RAD51B: variants seen among roughly 807,000 people sequenced by gnomAD.
RAD51B encodes RAD51 paralog B, also known as DNA repair protein RAD51 homolog 2.
RAD51B carries 38 observed loss-of-function variants against 42.2 expected under a neutral mutation model. The observed-to-expected ratio is 0.90, with a 90% CI of 0.70 to 1.18. The LOEUF (loss-of-function observed/expected upper bound fraction) is 1.18, where lower values mean the gene tolerates loss of function less well. RAD51B is among the 50% of genes most tolerant of loss of function. The pLI is 0.00. For synonymous variants in RAD51B, 154 were observed against 145.2 expected, an observed-to-expected ratio of 1.06 and a Z score of -0.43; for missense variants, 373 against 400.7, an observed-to-expected ratio of 0.93 and a Z score of 0.59.
At chr14:68,390,156 G>C (rs1032634879) in intron 8 of RAD51B, among the ~76,000 whole-genome samples, 1 of 152,172 alleles carries the variant, frequency 6.6e-6, no homozygotes, top group Non-Finnish European at 1.5e-5. Context: ...TGGAGTTGCT[G>C]ACTGTTCCTA....
At chr14:68,119,469 T>TC (rs1184674487) in intron 7 of RAD51B, among the ~76,000 whole-genome samples, 2 of 40,914 alleles carry the variant, frequency 4.9e-5, no homozygotes, top group Non-Finnish European at 4.5e-5. Context: ...CCCACCCCCC[T>TC]CCCCCCACCC....
At chr14:68,342,843 T>G (rs538731742) in intron 8 of RAD51B, among the ~76,000 whole-genome samples, 1 of 152,304 alleles carries the variant, frequency 6.6e-6, no homozygotes, top group East Asian at 1.9e-4. Context: ...CAGTTTTAGG[T>G]GAATACCAAT....
intron 8 of RAD51B, among the ~76,000 whole-genome samples, chr14:68,392,747 G>A (rs1344956990): frequency 6.6e-6 from 1 of 152,210 alleles, no homozygotes; most frequent in Non-Finnish European, 1.5e-5. Context: ...CTGAGATTCG[G>A]AGGTAAAGAA....
chr14:68,143,596 A>G (rs555340114), intron 7 of RAD51B, among the ~76,000 whole-genome samples: 1 of 152,266 alleles, frequency 6.6e-6, no homozygotes, highest in East Asian at 1.9e-4. Context: ...AGCTCCCCCC[A>G]TACCACACAC....
rs80130085 is a variant in RAD51B at position 67,903,939 on chromosome 14, G to T, written c.756+16735G>T. ...CCCTCAAGTAGGCCCCCGTATCTATGGTTTCCTTCTTTGTATTCATGAGGA... is the reference window on the plus strand; with the variant it reads ...CCCTCAAGTAGGCCCCCGTATCTATTGTTTCCTTCTTTGTATTCATGAGGA... On this transcript the variant is annotated intron_variant, in intron 7 of 10. Coordinates refer to ENST00000471583, the MANE Select transcript of RAD51B (RefSeq NM_133510.4). Among the ~76,000 whole-genome samples, 1,047 of 152,074 alleles carry T rather than the reference G, an allele frequency of 6.9e-3. 19 individuals carry two copies. The highest frequency in any genetic ancestry group is 0.022 in the African/African-American group (923 of 41,438).
chr14:67,827,644 G>T (rs775463522), intron 3 of RAD51B, among the ~76,000 whole-genome samples: 8 of 151,998 alleles, frequency 5.3e-5, no homozygotes, highest in Non-Finnish European at 1.2e-4. Flanking sequence ...CCACAACCTC[G>T]CAACAGGCCC....
intron 8 of RAD51B, among the ~76,000 whole-genome samples, chr14:68,345,544 C>T (rs1255534886): frequency 6.6e-6 from 1 of 152,174 alleles, no homozygotes; most frequent in Non-Finnish European, 1.5e-5. Flanking sequence ...TCACCTGCCA[C>T]CATGACTATA....
intron 7 of RAD51B, among the ~76,000 whole-genome samples, chr14:67,999,600 T>G (rs528617598): frequency 3.3e-5 from 5 of 152,334 alleles, no homozygotes; most frequent in East Asian, 1.9e-4. Context: ...TTATGCAACC[T>G]CTCACATCTT....
intron 7 of RAD51B, among the ~76,000 whole-genome samples, chr14:68,264,156 C>G (rs778962476): frequency 6.6e-6 from 1 of 152,174 alleles, no homozygotes; most frequent in Non-Finnish European, 1.5e-5. Flanking sequence ...TTGCTTAAAA[C>G]AGGGGTGAGG....
chr14:68,100,490 AT>A (rs974725126), intron 7 of RAD51B, among the ~76,000 whole-genome samples: 1 of 151,882 alleles, frequency 6.6e-6, no homozygotes, highest in Non-Finnish European at 1.5e-5. Flanking sequence ...AAAGTCTGTA[AT>A]TTTTTTCAGT....
chr14:68,486,630 A>T (rs965805021), intron 10 of RAD51B, among the ~76,000 whole-genome samples: 2 of 152,216 alleles, frequency 1.3e-5, no homozygotes, highest in African/African-American at 4.8e-5. Flanking sequence ...CTTAAAATGA[A>T]GCAAATTTTG....
intron 10 of RAD51B, among the ~76,000 whole-genome samples, chr14:68,507,756 C>G (rs114056501): frequency 1.3e-5 from 2 of 152,196 alleles, no homozygotes; most frequent in African/African-American, 4.8e-5. Flanking sequence ...TAGCTCAGGA[C>G]CTTGTCCAAT....
Position 68,314,549 on chromosome 14 carries a change from C to T in RAD51B, c.853+22569C>T, listed in dbSNP as rs185500242. Among the ~76,000 whole-genome samples, 371 of 152,288 alleles carry T rather than the reference C, an allele frequency of 2.4e-3. 6 individuals are homozygous for T. Among genetic ancestry groups the T allele is most frequent in the African/African-American group, 8.3e-3 (346 of 41,530 alleles). ...ACATTGGAAGCCCAAAGCTTCCACA[C>T]AGTTGAGTCTACAGAGCAGAGTAAT... On this transcript the variant is annotated intron_variant, in intron 8 of 10. Coordinates refer to ENST00000471583, the MANE Select transcript of RAD51B (RefSeq NM_133510.4).
chr14:68,356,547 TAA>T lies in RAD51B; in HGVS notation c.854-54867_854-54866del, dbSNP rs35711316. ...ACCTAAATTTAAAATACTTAATTGC[TAA>T]AAAAAAAAATGCTAGGGATCATCGG... On this transcript the variant is annotated intron_variant, in intron 8 of 10. Coordinates refer to ENST00000471583, the MANE Select transcript of RAD51B (RefSeq NM_133510.4). Among the ~76,000 whole-genome samples, 26 of 150,830 alleles carry T rather than the reference TAA, an allele frequency of 1.7e-4. No individual in the cohort carries two copies. The East Asian group carries it at 1.9e-3, about 11-fold the overall frequency.
chr14:68,385,165 G>A (rs2139997757), intron 8 of RAD51B, among the ~76,000 whole-genome samples: 1 of 152,188 alleles, frequency 6.6e-6, no homozygotes, highest in East Asian at 1.9e-4. Context: ...CAGTGAGACT[G>A]CTCAGCTCGA....
intron 11 of RAD51B, among the ~76,000 whole-genome samples, chr14:68,655,029 A>T (rs534976898): frequency 2.0e-5 from 3 of 152,134 alleles, no homozygotes; most frequent in Non-Finnish European, 4.4e-5. Context: ...TGGCCCCACC[A>T]GGCAGTCATG....
At chr14:67,980,173 G>T (rs2075065071) in intron 7 of RAD51B, among the ~76,000 whole-genome samples, 1 of 152,114 alleles carries the variant, frequency 6.6e-6, no homozygotes, top group Admixed American at 6.5e-5. Flanking sequence ...GGCCAGGCAT[G>T]GTGGCTCATG....
At chr14:68,375,438 T>C (rs1468767938) in intron 8 of RAD51B, among the ~76,000 whole-genome samples, 4 of 152,232 alleles carry the variant, frequency 2.6e-5, no homozygotes, top group Non-Finnish European at 5.9e-5. Context: ...GTGTGTGTTA[T>C]ATGCAGCGTC....
At chr14:67,904,822 G>C (rs554646683) in intron 7 of RAD51B, among the ~76,000 whole-genome samples, 43 of 151,362 alleles carry the variant, frequency 2.8e-4, no homozygotes, top group Non-Finnish European at 5.6e-4. Context: ...TTAGATCTCT[G>C]TTAAGATACA....
Sources: allele counts gnomAD v4.1 joint callset (sites outside exome capture counted in the v4.1 genomes callset), GRCh38; gene constraint gnomAD v4.1.1; transcripts MANE v1.5; gene names NCBI Gene and HGNC (gene_info 2026-07-23, HGNC 2026-07-21).